FGF7: variants seen among roughly 807,000 people sequenced by gnomAD.
FGF7 encodes the protein FGF-7.
In FGF7, 6 loss-of-function variants were observed where a neutral mutation model predicts 20.5. The ratio of observed to expected loss-of-function variants is 0.29; its 90% CI spans 0.16 to 0.58. FGF7 has a LOEUF of 0.58. Ranked by LOEUF, FGF7 falls within the 20% of genes least tolerant of loss-of-function variation. The pLI is 0.90. For synonymous variants in FGF7, 64 were observed against 74.7 expected (o/e 0.86, Z 0.74); for missense variants, 144 against 228.8 (o/e 0.63, Z 2.39).
At chr15:49,480,763 G>T (rs1365108376) in intron 2 of FGF7, among the ~76,000 whole-genome samples, 6 of 152,130 alleles carry the variant, frequency 3.9e-5, no homozygotes, top group African/African-American at 1.4e-4. Flanking sequence ...GATTACAGGT[G>T]TGAGCTACCA....
intron 2 of FGF7, among the ~76,000 whole-genome samples, chr15:49,447,225 C>T (rs559234259): frequency 2.6e-5 from 4 of 151,668 alleles, no homozygotes; most frequent in African/African-American, 9.6e-5. Context: ...TAATCTTGCA[C>T]TATATTGTTA....
intron 2 of FGF7, among the ~76,000 whole-genome samples, chr15:49,430,440 A>C (rs1483611740): frequency 1.3e-5 from 2 of 151,888 alleles, no homozygotes; most frequent in Non-Finnish European, 2.9e-5. Flanking sequence ...CAGAGGTTTA[A>C]GGAGACAACC....
rs199507360 is a variant in FGF7, at chr15:49,424,282, G to A, written c.-16G>A. 3.1e-5 allele frequency: 49 copies of A among 1,599,884 alleles called. No individual in the cohort carries two copies. The highest frequency in any genetic ancestry group is 2.5e-4 in the East Asian group (11 of 44,598). On this transcript the variant is annotated 5_prime_UTR_variant, in exon 2 of 4. Transcript: ENST00000267843. ...TTCATTATGTTATTCATGAACACCCGGAGCACTACACTATAATGCACAAAT... is the reference window on the plus strand; with the variant it reads ...TTCATTATGTTATTCATGAACACCCAGAGCACTACACTATAATGCACAAAT...
At chr15:49,476,017 T>C (rs1235166564) in intron 2 of FGF7, among the ~76,000 whole-genome samples, 1 of 152,208 alleles carries the variant, frequency 6.6e-6, no homozygotes, top group East Asian at 1.9e-4. Flanking sequence ...TTCAATCTTC[T>C]GAACATGACT....
intron 2 of FGF7, among the ~76,000 whole-genome samples, chr15:49,453,012 G>A (rs1236752894): frequency 6.6e-6 from 1 of 151,968 alleles, no homozygotes; most frequent in Admixed American, 6.6e-5. Context: ...GTTAAAAATT[G>A]TACTGCTAAT....
At chr15:49,466,449 G>A (rs1271119604) in intron 2 of FGF7, among the ~76,000 whole-genome samples, 1 of 152,144 alleles carries the variant, frequency 6.6e-6, no homozygotes, top group African/African-American at 2.4e-5. Flanking sequence ...AGAAAAATGG[G>A]AGAAAATTAT....
intron 2 of FGF7, among the ~76,000 whole-genome samples, chr15:49,466,194 T>A (rs1207294012): frequency 6.6e-6 from 1 of 152,190 alleles, no homozygotes; most frequent in Non-Finnish European, 1.5e-5. Flanking sequence ...TTATCAAGCT[T>A]CACCTCAGAC....
chr15:49,461,383 T>C (rs2053782254), intron 2 of FGF7, among the ~76,000 whole-genome samples: 1 of 152,232 alleles, frequency 6.6e-6, no homozygotes, highest in Non-Finnish European at 1.5e-5. Flanking sequence ...TATGCAGATT[T>C]GAAAAACATT....
chr15:49,438,021 G>A (rs1416709759), intron 2 of FGF7, among the ~76,000 whole-genome samples: 1 of 151,610 alleles, frequency 6.6e-6, no homozygotes. Flanking sequence ...AGAAGAAAGG[G>A]TATCTCTTCC....
chr15:49,427,992 T>C (rs1161354870), intron 2 of FGF7, among the ~76,000 whole-genome samples: 1 of 152,014 alleles, frequency 6.6e-6, no homozygotes, highest in Non-Finnish European at 1.5e-5. Context: ...TTTTGTAAAA[T>C]ATTTTAAGTT....
intron 2 of FGF7, among the ~76,000 whole-genome samples, chr15:49,439,094 A>C (rs1160892139): frequency 6.6e-6 from 1 of 151,638 alleles, no homozygotes; most frequent in Non-Finnish European, 1.5e-5. Context: ...AAGTCTTCTT[A>C]TGTCTTGACT....
At chr15:49,461,118 A>T (rs1258621146) in intron 2 of FGF7, among the ~76,000 whole-genome samples, 1 of 152,042 alleles carries the variant, frequency 6.6e-6, no homozygotes, top group Non-Finnish European at 1.5e-5. Context: ...TATCTCTTCC[A>T]TCCTGATGAA....
chr15:49,451,858 C>T (rs558146931), intron 2 of FGF7, among the ~76,000 whole-genome samples: 52 of 152,120 alleles, frequency 3.4e-4, no homozygotes, highest in Admixed American at 3.0e-3. Context: ...CTAAGACCCA[C>T]TTTGTAATCT....
chr15:49,424,770 T>G (rs2049982429), intron 2 of FGF7, 187 bp downstream of exon 2: 2 of 449,988 alleles, frequency 4.4e-6, no homozygotes, highest in Admixed American at 7.5e-5. Context: ...AGGGCAAATC[T>G]ACTTACATTA....
intron 2 of FGF7, among the ~76,000 whole-genome samples, chr15:49,462,371 G>A (rs1389079465): frequency 2.6e-5 from 4 of 151,978 alleles, no homozygotes; most frequent in East Asian, 3.9e-4. Context: ...AGAAATTTTC[G>A]GATGATATTT....
chr15:49,461,703 T>A (rs1055942301), intron 2 of FGF7, among the ~76,000 whole-genome samples: 17 of 152,230 alleles, frequency 1.1e-4, no homozygotes, highest in African/African-American at 4.1e-4. Flanking sequence ...CAATCCTTAT[T>A]TTTTTGAGGA....
Position 49,484,813 on chromosome 15 carries a change from A to C in FGF7, c.*309A>C, listed in dbSNP as rs2056271057. 1 of 200,514 alleles carries C rather than the reference A, an allele frequency of 5.0e-6. No individual in the cohort carries two copies. Among genetic ancestry groups the C allele is most frequent in the Admixed American group, 5.8e-5 (1 of 17,096 alleles). The allele number at this position is 200,514 out of a possible 1,614,324, so 12.4% of individuals were successfully genotyped here. ...TTTCTTAAATTAATTTACCCTTAAG[A>C]GTATGTTAGATTTGATTATCTGATA... On this transcript the variant is annotated 3_prime_UTR_variant, in exon 4 of 4. Transcript: ENST00000267843.
intron 2 of FGF7, among the ~76,000 whole-genome samples, chr15:49,464,134 A>C (rs1248633528): frequency 6.6e-6 from 1 of 152,114 alleles, no homozygotes. Flanking sequence ...AGGATGGGTT[A>C]GGCAGGGGAT....
intron 2 of FGF7, among the ~76,000 whole-genome samples, chr15:49,474,124 T>C (rs1363344878): frequency 6.6e-6 from 1 of 152,178 alleles, no homozygotes; most frequent in East Asian, 1.9e-4. Context: ...GATGGTGAGA[T>C]TGTATTACTG....
Sources: allele counts gnomAD v4.1 joint callset (sites outside exome capture counted in the v4.1 genomes callset), GRCh38; gene constraint gnomAD v4.1.1; transcripts MANE v1.5; gene names NCBI Gene and HGNC (gene_info 2026-07-23, HGNC 2026-07-21).